The following SNX29 variants were observed in gnomAD, a reference collection of about 807,000 sequenced individuals.
The protein encoded by SNX29 is sorting nexin-29.
SNX29 carries 78 observed loss-of-function variants against 102.1 expected under a neutral mutation model. The ratio of observed to expected loss-of-function variants is 0.76; its 90% CI spans 0.64 to 0.92. The LOEUF (loss-of-function observed/expected upper bound fraction) is 0.92, where lower values mean the gene tolerates loss of function less well. SNX29 is among the 40% of genes least tolerant of loss of function. The probability of loss-of-function intolerance (pLI) is 0.00; values close to 1 mark genes in which losing one functional copy is unlikely to be tolerated. For missense variants in SNX29, 1,280 were observed against 1,061.7 expected, an observed-to-expected ratio of 1.21 and a Z score of -2.86; for synonymous variants, 580 against 414.5, an observed-to-expected ratio of 1.40 and a Z score of -4.85.
chr16:12,535,087 G>C (rs1195236893), intron 20 of SNX29, among the ~76,000 whole-genome samples: 2 of 152,214 alleles, frequency 1.3e-5, no homozygotes, highest in African/African-American at 4.8e-5. Flanking sequence ...AAGAGAGAGG[G>C]AGGAGAAACC....
chr16:12,035,751 T>A (rs1288255629), intron 4 of SNX29, among the ~76,000 whole-genome samples: 1 of 152,140 alleles, frequency 6.6e-6, no homozygotes, highest in African/African-American at 2.4e-5. Context: ...CAGATTTTGC[T>A]TGAGGCTGTG....
chr16:12,507,364 C>T (rs2089424771), intron 19 of SNX29, among the ~76,000 whole-genome samples: 1 of 152,350 alleles, frequency 6.6e-6, no homozygotes, highest in Middle Eastern at 3.4e-3. Flanking sequence ...TGTGCTAGCC[C>T]TGTGGTCCCA....
At chr16:12,220,851 C>A (rs763993684) in intron 14 of SNX29, among the ~76,000 whole-genome samples, 22 of 152,138 alleles carry the variant, frequency 1.4e-4, no homozygotes, top group Non-Finnish European at 2.8e-4. Context: ...TGGCTATATT[C>A]TGCAGTGTTA....
At chr16:12,295,532 C>T (rs533886716) in intron 15 of SNX29, among the ~76,000 whole-genome samples, 9 of 152,326 alleles carry the variant, frequency 5.9e-5, no homozygotes, top group African/African-American at 1.2e-4. Context: ...CCTCTGGAAC[C>T]GGTGGAGCAG....
At chr16:12,119,425 C>A (rs2053881265) in intron 11 of SNX29, among the ~76,000 whole-genome samples, 1 of 152,194 alleles carries the variant, frequency 6.6e-6, no homozygotes. Flanking sequence ...AGATCTAGAA[C>A]CTTATCAAGA....
chr16:12,084,700 G>A (rs1470113632), intron 11 of SNX29, among the ~76,000 whole-genome samples: 3 of 152,108 alleles, frequency 2.0e-5, no homozygotes, highest in Non-Finnish European at 4.4e-5. Flanking sequence ...AGAGTGACAG[G>A]ATCAACACCC....
intron 15 of SNX29, among the ~76,000 whole-genome samples, chr16:12,299,186 G>A (rs112856405): frequency 0.032 from 4,804 of 152,078 alleles, 248 homozygotes; most frequent in African/African-American, 0.11. Context: ...TGTAATCTCA[G>A]CTACTGAGGA....
At chr16:12,078,366 T>C (rs1183248177) in intron 10 of SNX29, among the ~76,000 whole-genome samples, 1 of 152,004 alleles carries the variant, frequency 6.6e-6, no homozygotes, top group Non-Finnish European at 1.5e-5. Flanking sequence ...TCCCAGCTAC[T>C]TGGGAGGCTG....
At chr16:12,128,012 T>G (rs1359798380) in intron 12 of SNX29, among the ~76,000 whole-genome samples, 1 of 152,160 alleles carries the variant, frequency 6.6e-6, no homozygotes, top group African/African-American at 2.4e-5. Flanking sequence ...ACAGTCATGA[T>G]TCTCCTTCAA....
chr16:12,563,418 G>T (rs78457181), intron 20 of SNX29, among the ~76,000 whole-genome samples: 38 of 152,192 alleles, frequency 2.5e-4, no homozygotes, highest in African/African-American at 8.4e-4. Context: ...ACTGGATTTT[G>T]TTCCTTGCGG....
chr16:12,557,163 G>T (rs1368502164), intron 20 of SNX29, among the ~76,000 whole-genome samples: 16 of 152,078 alleles, frequency 1.1e-4, no homozygotes, highest in Admixed American at 1.0e-3. Flanking sequence ...TTTCCATTTT[G>T]GCTATGTTCA....
intron 13 of SNX29, among the ~76,000 whole-genome samples, chr16:12,190,521 G>A (rs1398507869): frequency 1.3e-5 from 2 of 152,186 alleles, no homozygotes; most frequent in Non-Finnish European, 2.9e-5. Flanking sequence ...GGACTTCAGA[G>A]AGAAGAGGGC....
In SNX29 at chr16:12,572,657, T is replaced by A; in HGVS notation, c.*4028T>A. On this transcript the variant is annotated 3_prime_UTR_variant, in exon 21 of 21. Transcript: ENST00000566228. ...TTCATTCCTCCACCAAGCTCCTGTGTGAGCTGCAGCACCCACACGGGGGAA... is the reference window on the plus strand; with the variant it reads ...TTCATTCCTCCACCAAGCTCCTGTGAGAGCTGCAGCACCCACACGGGGGAA... 2.8e-6 allele frequency: 3 copies of A among 1,063,932 alleles called. No individual in the cohort carries two copies. Among genetic ancestry groups the A allele is most frequent in the African/African-American group, 1.6e-5 (1 of 61,054 alleles). The allele number at this position is 1,063,932 out of a possible 1,614,324, so 65.9% of individuals were successfully genotyped here.
At chr16:12,054,635 A>G (rs925021207) in intron 8 of SNX29, among the ~76,000 whole-genome samples, 3 of 152,138 alleles carry the variant, frequency 2.0e-5, no homozygotes, top group Admixed American at 6.5e-5. Context: ...TCAGACTTGG[A>G]CTTCACCACA....
chr16:12,270,325 T>C (rs752354471), intron 14 of SNX29, among the ~76,000 whole-genome samples: 38 of 152,230 alleles, frequency 2.5e-4, no homozygotes, highest in Non-Finnish European at 5.0e-4. Flanking sequence ...ATTGGGGGGA[T>C]GTGCAAAGAG....
At chr16:12,336,015 G>T (rs1048769682) in intron 15 of SNX29, among the ~76,000 whole-genome samples, 1 of 152,152 alleles carries the variant, frequency 6.6e-6, no homozygotes, top group African/African-American at 2.4e-5. Context: ...GTCTGTGTTT[G>T]TGACAACGGC....
chr16:12,325,589 G>A (rs181709610), intron 15 of SNX29, among the ~76,000 whole-genome samples: 1 of 152,244 alleles, frequency 6.6e-6, no homozygotes, highest in East Asian at 1.9e-4. Context: ...CAGATAAAAT[G>A]CATTAATTAA....
intron 11 of SNX29, among the ~76,000 whole-genome samples, chr16:12,091,033 A>G (rs1056628409): frequency 1.1e-5 from 1 of 93,522 alleles, no homozygotes; most frequent in South Asian, 3.3e-4. Flanking sequence ...AAAAAAAAAA[A>G]AAAAAGAAAG....
At chr16:12,525,823 T>C (rs932011644) in intron 20 of SNX29, among the ~76,000 whole-genome samples, 9 of 152,070 alleles carry the variant, frequency 5.9e-5, no homozygotes, top group Admixed American at 5.2e-4. Context: ...TCTTTTCGCC[T>C]GCCACATGCC....
Sources: gnomAD v4.1 joint callset for allele counts (sites outside exome capture counted in the v4.1 genomes callset) on GRCh38, gnomAD v4.1.1 for gene constraint, MANE v1.5 for transcripts, NCBI Gene and HGNC (gene_info 2026-07-23, HGNC 2026-07-21) for gene names.